PPP2R2B: variants seen among roughly 807,000 people sequenced by gnomAD.
PPP2R2B encodes the protein serine/threonine-protein phosphatase 2A 55 kDa regulatory subunit B beta isoform.
PPP2R2B carries 5 observed loss-of-function variants against 46.0 expected under a neutral mutation model. That is an observed-to-expected ratio of 0.11 (90% confidence interval 0.06 to 0.23). The LOEUF (loss-of-function observed/expected upper bound fraction) is 0.23, where lower values mean the gene tolerates loss of function less well. PPP2R2B is among the 10% of genes least tolerant of loss of function. PPP2R2B has a pLI of 1.00. For missense variants in PPP2R2B, 367 were observed against 575.0 expected, an observed-to-expected ratio of 0.64 and a Z score of 3.70; for synonymous variants, 215 against 206.7, an observed-to-expected ratio of 1.04 and a Z score of -0.34.
chr5:146,858,495 G>A (rs568384467), intron 2 of PPP2R2B, among the ~76,000 whole-genome samples: 10 of 152,080 alleles, frequency 6.6e-5, no homozygotes, highest in Admixed American at 2.6e-4. Context: ...GCAGTTAGAG[G>A]ATTTAAGTAA....
intron 1 of PPP2R2B, among the ~76,000 whole-genome samples, chr5:146,909,568 A>G (rs871586): frequency 0.026 from 3,895 of 152,330 alleles, 146 homozygotes; most frequent in African/African-American, 0.07. Flanking sequence ...TTTCCAAAAT[A>G]TAGAAAGAAG....
intron 2 of PPP2R2B, among the ~76,000 whole-genome samples, chr5:146,762,665 C>T (rs1183139419): frequency 6.6e-6 from 1 of 152,210 alleles, no homozygotes. Flanking sequence ...GAAGTACAGT[C>T]TGTGCTTAAC....
chr5:146,766,636 TC>T lies in PPP2R2B; in HGVS notation c.71-65495del, dbSNP rs568148038. Among the ~76,000 whole-genome samples, 117 of 152,322 alleles carry T rather than the reference TC, an allele frequency of 7.7e-4. 1 individual carries two copies. Among genetic ancestry groups the T allele is most frequent in the Non-Finnish European group, 1.5e-3 (100 of 68,036 alleles). On this transcript the variant is annotated intron_variant, in intron 2 of 9. Coordinates refer to ENST00000394411, the MANE Select transcript of PPP2R2B (RefSeq NM_181675.4). ...GAGGTGATTTCTATTATTTATACTT[TC>T]AAATGAGAAAACAGGCTCAGAGAGG...
At chr5:146,781,131 GATATATATATATATAT>G (rs56697862) in intron 2 of PPP2R2B, among the ~76,000 whole-genome samples, 7,572 of 49,494 alleles carry the variant, frequency 0.15, 952 homozygotes, top group East Asian at 0.53. Flanking sequence ...ATGCCACCAT[GATATATATATATATAT>G]ATATATATAT....
chr5:147,044,177 T>C (rs1756443677), intron 1 of PPP2R2B, among the ~76,000 whole-genome samples: 2 of 152,096 alleles, frequency 1.3e-5, no homozygotes. Flanking sequence ...ACCCTCCTCA[T>C]TCTCATGTTG....
chr5:147,067,023 G>T (rs1003572423), intron 2 of PPP2R2B, among the ~76,000 whole-genome samples: 1 of 152,154 alleles, frequency 6.6e-6, no homozygotes, highest in African/African-American at 2.4e-5. Context: ...GGTAGAAAAT[G>T]CTAACATCTG....
chr5:146,842,661 GCC>G (rs1759735591), intron 2 of PPP2R2B, among the ~76,000 whole-genome samples: 1 of 151,830 alleles, frequency 6.6e-6, no homozygotes. Context: ...CCTCTGGTAG[GCC>G]CCAGTGTGTG....
intron 5 of PPP2R2B, among the ~76,000 whole-genome samples, chr5:146,650,997 C>T (rs2151094523): frequency 6.6e-6 from 1 of 152,256 alleles, no homozygotes; most frequent in Non-Finnish European, 1.5e-5. Flanking sequence ...CAGGTAGCCT[C>T]ATCTCAGGGG....
chr5:146,641,105 G>C (rs1311795187), intron 6 of PPP2R2B, among the ~76,000 whole-genome samples: 1 of 152,150 alleles, frequency 6.6e-6, no homozygotes, highest in Non-Finnish European at 1.5e-5. Context: ...GCTGATCAGG[G>C]GCCAGGCCTG....
intron 1 of PPP2R2B, among the ~76,000 whole-genome samples, chr5:147,003,894 C>G (rs112698243): frequency 1.3e-5 from 2 of 151,944 alleles, no homozygotes; most frequent in Non-Finnish European, 2.9e-5. Context: ...CCAACTCACT[C>G]GAGGGTCAAT....
At chr5:146,639,330 T>A (rs1472642382) in intron 6 of PPP2R2B, among the ~76,000 whole-genome samples, 2 of 150,258 alleles carry the variant, frequency 1.3e-5, no homozygotes, top group Non-Finnish European at 2.9e-5. Context: ...TCATCTGGGT[T>A]TTTTTTTCTC....
intron 1 of PPP2R2B, among the ~76,000 whole-genome samples, chr5:146,948,538 G>T (rs974149948): frequency 6.6e-6 from 1 of 151,686 alleles, no homozygotes; most frequent in Admixed American, 6.6e-5. Context: ...ATGAAAAGAA[G>T]GCTTAAATTC....
At chr5:146,702,448 T>G (rs987277912) in intron 2 of PPP2R2B, among the ~76,000 whole-genome samples, 2 of 152,238 alleles carry the variant, frequency 1.3e-5, no homozygotes, top group Admixed American at 1.3e-4. Flanking sequence ...ATTGACCTCC[T>G]AGATAGCAAA....
At chr5:146,640,310 G>C (rs944426589) in intron 6 of PPP2R2B, among the ~76,000 whole-genome samples, 1 of 152,122 alleles carries the variant, frequency 6.6e-6, no homozygotes, top group African/African-American at 2.4e-5. Context: ...TTGGGTCTCC[G>C]GGGCATGTGA....
At chr5:146,750,022 T>C (rs961414481) in intron 2 of PPP2R2B, among the ~76,000 whole-genome samples, 1 of 152,242 alleles carries the variant, frequency 6.6e-6, no homozygotes, top group African/African-American at 2.4e-5. Flanking sequence ...ATTGCACCAG[T>C]GCCATTTATT....
intron 2 of PPP2R2B, among the ~76,000 whole-genome samples, chr5:147,080,377 G>A (rs982514844): frequency 2.0e-5 from 3 of 152,270 alleles, no homozygotes; most frequent in East Asian, 1.9e-4. Context: ...GAGCTAAACC[G>A]TGATTTAAAA....
At chr5:146,685,531 A>G (rs1326323836) in intron 5 of PPP2R2B, among the ~76,000 whole-genome samples, 1 of 152,220 alleles carries the variant, frequency 6.6e-6, no homozygotes, top group Non-Finnish European at 1.5e-5. Context: ...TGGGAAAACT[A>G]GCTAGTCTTT....
rs74740010 is a variant in PPP2R2B, at chr5:146,796,264, C to A, written c.70+81738G>T. Among the ~76,000 whole-genome samples, 12 of 152,244 alleles carry A rather than the reference C, an allele frequency of 7.9e-5. No homozygotes were observed. The East Asian group carries it at 1.7e-3, about 22-fold the overall frequency. On this transcript the variant is annotated intron_variant, in intron 2 of 9. Transcript: ENST00000394411. ...AGGTCCACGTATGCTCCCATACGTCCAAGTGTATACATATCTGTTCCTCGA... is the reference window on the plus strand; with the variant it reads ...AGGTCCACGTATGCTCCCATACGTCAAAGTGTATACATATCTGTTCCTCGA...
chr5:146,630,785 C>A (rs1176324584), intron 7 of PPP2R2B, among the ~76,000 whole-genome samples: 1 of 152,192 alleles, frequency 6.6e-6, no homozygotes, highest in African/African-American at 2.4e-5. Flanking sequence ...ACACCATCTT[C>A]ACTCCAACCA....
Sources: gnomAD v4.1 joint callset for allele counts (sites outside exome capture counted in the v4.1 genomes callset) on GRCh38, gnomAD v4.1.1 for gene constraint, MANE v1.5 for transcripts, NCBI Gene and HGNC (gene_info 2026-07-23, HGNC 2026-07-21) for gene names.